The following KDM5B variants were observed in gnomAD, a reference collection of about 807,000 sequenced individuals.
The protein encoded by KDM5B is lysine-specific demethylase 5B.
KDM5B carries 144 observed loss-of-function variants against 193.4 expected under a neutral mutation model. The observed-to-expected ratio is 0.74, with a 90% CI of 0.65 to 0.86. KDM5B has a LOEUF of 0.86. Among genes scored for constraint, KDM5B ranks in the 40% least tolerant of loss-of-function variants. KDM5B has a pLI of 0.00. For missense variants in KDM5B, 1,833 were observed against 1,886.9 expected (o/e 0.97, Z 0.53); for synonymous variants, 668 against 682.6 (o/e 0.98, Z 0.33).
intron 13 of KDM5B, 81 bp downstream of exon 13, chr1:202,750,578 A>G (rs1655749399): frequency 2.0e-6 from 3 of 1,498,608 alleles, no homozygotes; most frequent in Admixed American, 1.8e-5. Flanking sequence ...CCCAGCCCAC[A>G]TGACACTTTA....
In KDM5B at chr1:202,729,173, C is replaced by G. The variant is rs1360489776; in HGVS notation, c.4498G>C (p.Val1500Leu). Residue 1500 changes from valine to leucine, a missense_variant and splice_region_variant, in exon 27 of 27, where the codon GTG (valine) becomes CTG (leucine). Val to Leu is a conservative substitution (Grantham distance 32). Coordinates refer to ENST00000367265, the MANE Select transcript of KDM5B (RefSeq NM_006618.5). Reference sequence around the variant, plus strand: ...CTGCCATCACACTGGACCCAGTCCACCTGGTTACAAAGAGCAGGAAGATGG... The same window carrying G: ...CTGCCATCACACTGGACCCAGTCCAGCTGGTTACAAAGAGCAGGAAGATGG... ...VSCLQPEGDE[V>L]DWVQCDGSCN... The G allele has an allele frequency of 2.5e-6, 4 of 1,613,906 alleles. No individual in the cohort carries two copies. The highest frequency in any genetic ancestry group is 2.2e-5 in the East Asian group (1 of 44,898).
intron 1 of KDM5B, among the ~76,000 whole-genome samples, chr1:202,802,886 CTCTTAATTTT>C (rs1658131958): frequency 6.6e-6 from 1 of 152,202 alleles, no homozygotes; most frequent in African/African-American, 2.4e-5. Flanking sequence ...TAATAATTTT[CTCTTAATTTT>C]TCTTATCAGT....
chr1:202,794,899 T>C (rs1294400224), intron 1 of KDM5B, among the ~76,000 whole-genome samples: 1 of 152,170 alleles, frequency 6.6e-6, no homozygotes, highest in Non-Finnish European at 1.5e-5. Flanking sequence ...ACAATAACAA[T>C]TAAACAATAC....
chr1:202,777,718 C>T (rs1269718662), intron 1 of KDM5B, among the ~76,000 whole-genome samples: 1 of 151,970 alleles, frequency 6.6e-6, no homozygotes, highest in African/African-American at 2.4e-5. Flanking sequence ...AGATCAGTCT[C>T]GAACTCTACA....
chr1:202,758,426 CAT>C lies in KDM5B; in HGVS notation c.1160_1161del (p.Asp387GlyfsTer5). The C allele has an allele frequency of 6.2e-7, 1 of 1,613,408 alleles. No homozygotes were observed. Among genetic ancestry groups the C allele is most frequent in the Non-Finnish European group, 8.5e-7 (1 of 1,179,490 alleles). ...YTLRTFGEMADAFKSDYFNMP... is the reference protein window; with the variant it reads ...YTLRTFGEMAXAFKSDYFNMP... ...ATGTTGAAGTAATCAGATTTGAACG[CAT>C]CTGCCATTTCCCCAAAAGTACGGAG... is the stretch of plus-strand genomic sequence containing the variant. On this transcript the variant is annotated frameshift_variant, in exon 9 of 27. Coordinates refer to ENST00000367265, the MANE Select transcript of KDM5B (RefSeq NM_006618.5). LOFTEE classifies it high-confidence loss of function.
chr1:202,729,804 G>A lies in KDM5B; in HGVS notation c.4400C>T (p.Ser1467Phe), dbSNP rs1654807450. The change falls in exon 26 of 27, where the codon TCC (serine) becomes TTC (phenylalanine). Residue 1467 changes from serine to phenylalanine, a missense_variant. By Grantham distance (155) the Ser-to-Phe change is radical. Transcript: ENST00000367265. ...YELVRSAETH[S>F]LPSDTSYSEQ... ...GGAATAGGATGTGTCTGAGGGCAGG[G>A]AATGAGTTTCAGCAGAACGAACTAA... 3.7e-6 allele frequency: 6 copies of A among 1,614,148 alleles called. No individual in the cohort carries two copies. In the East Asian group the frequency reaches 8.9e-5, roughly 24 times the overall value.
Position 202,785,196 on chromosome 1 carries a change from T to C in KDM5B, c.205-8102A>G, listed in dbSNP as rs370187071. Among the ~76,000 whole-genome samples, 12 of 152,332 alleles carry C rather than the reference T, an allele frequency of 7.9e-5. No homozygotes were observed. In the East Asian group the frequency reaches 1.5e-3, roughly 20 times the overall value. On this transcript the variant is annotated intron_variant, in intron 1 of 26. Coordinates refer to ENST00000367265, the MANE Select transcript of KDM5B (RefSeq NM_006618.5). The stretch of plus-strand genomic sequence containing the variant: ...GCAACCTCAACTTTCAAGGAGCATC[T>C]GACCTCTAAACCTTACTTACCTTTA...
chr1:202,757,254 T>C (rs1003291107), intron 9 of KDM5B, among the ~76,000 whole-genome samples: 1 of 152,196 alleles, frequency 6.6e-6, no homozygotes, highest in Non-Finnish European at 1.5e-5. Context: ...CACCTCCTGC[T>C]GTGTGGCCCT....
Position 202,773,123 on chromosome 1 carries a change from G to T in KDM5B, c.571C>A (p.Leu191Ile). Residue 191 changes from leucine to isoleucine, a missense_variant, in exon 4 of 27, where the codon CTA becomes ATA. Physicochemically the swap from Leu to Ile is conservative, Grantham distance 5. Coordinates refer to ENST00000367265, the MANE Select transcript of KDM5B (RefSeq NM_006618.5). ...PYNLFLSGDS[L>I]RCLQKPNLTT... ...AGGCTAGCCCCCAAACTTACCCTTA[G>T]GCTGTCTCCGGACAGGAATAAGTTG... The T allele has an allele frequency of 6.2e-7, 1 of 1,609,832 alleles. No homozygotes were observed. The highest frequency in any genetic ancestry group is 8.5e-7 in the Non-Finnish European group (1 of 1,176,378).
At chr1:202,791,453 C>A (rs1657638477) in intron 1 of KDM5B, among the ~76,000 whole-genome samples, 1 of 152,134 alleles carries the variant, frequency 6.6e-6, no homozygotes, top group Non-Finnish European at 1.5e-5. Flanking sequence ...AACACATTTC[C>A]TGGTACCTCC....
At chr1:202,800,055 TG>T (rs1235514114) in intron 1 of KDM5B, among the ~76,000 whole-genome samples, 1 of 152,234 alleles carries the variant, frequency 6.6e-6, no homozygotes, top group Non-Finnish European at 1.5e-5. Context: ...GTTTTGTTTT[TG>T]TTTTTTGAGA....
rs755132083 is a variant in KDM5B at position 202,733,938 on chromosome 1, C to T, written c.3424-52G>A. ...GATGTCCGAGATGGCTTGGCCTTCC[C>T]CTAAAACTCAGAGTCCTAGTGGTTA... On this transcript the variant is annotated intron_variant, in intron 22 of 26. Transcript: ENST00000367265. 15 of 1,552,810 alleles carry T rather than the reference C, an allele frequency of 9.7e-6. No individual in the cohort carries two copies. In the South Asian group the frequency reaches 1.5e-4, roughly 16 times the overall value.
chr1:202,735,740 T>C (rs1655067915), intron 21 of KDM5B, among the ~76,000 whole-genome samples, 153 bp from the exon 22 acceptor site: 1 of 152,204 alleles, frequency 6.6e-6, no homozygotes, highest in Non-Finnish European at 1.5e-5. Flanking sequence ...AGGCTCTCCT[T>C]TACAAAAGGA....
chr1:202,784,972 T>A (rs1032573592), intron 1 of KDM5B, among the ~76,000 whole-genome samples: 6 of 147,884 alleles, frequency 4.1e-5, no homozygotes, highest in Non-Finnish European at 7.4e-5. Context: ...AGGCAAAGAC[T>A]GCACTCCAGC....
chr1:202,750,909 AATT>A lies in KDM5B; in HGVS notation c.1702-134_1702-132del, dbSNP rs1045156747. 2.9e-4 allele frequency: 242 copies of A among 831,732 alleles called. No homozygotes were observed. In the African/African-American group the frequency reaches 3.5e-3, roughly 12 times the overall value. The allele number at this position is 831,732 out of a possible 1,614,324, so 51.5% of individuals were successfully genotyped here. A position where few individuals can be genotyped will look rare whatever the true frequency, so the allele number is the denominator to read the frequency against. On this transcript the variant is annotated intron_variant, in intron 12 of 26. Transcript: ENST00000367265. ...TTCTGAAATTGAGCCAGAAAAAACA[AATT>A]ATTATAGTAGAATATCACCTAGAGA...
chr1:202,730,131 A>T, intron 25 of KDM5B, 104 bp from the exon 26 acceptor site: 1 of 986,660 alleles, frequency 1.0e-6, no homozygotes, highest in African/African-American at 1.7e-5. Context: ...ATGATCCCCC[A>T]ATCTACACGG....
rs560080751 is a variant in KDM5B at position 202,758,578 on chromosome 1, G to A, written c.1078-68C>T. 38 of 1,325,416 alleles carry A rather than the reference G, an allele frequency of 2.9e-5. No individual in the cohort carries two copies. In the South Asian group the frequency reaches 5.4e-4, roughly 19 times the overall value. The allele number at this position is 1,325,416 out of a possible 1,614,324, so 82.1% of individuals were successfully genotyped here. The stretch of plus-strand genomic sequence containing the variant: ...TCAAGTATACTTGGTCAATCATCAA[G>A]CTGGCAGATAAAAAACAAGGCTTTA... On this transcript the variant is annotated intron_variant, in intron 8 of 26. Transcript: ENST00000367265.
chr1:202,742,895 C>G, intron 16 of KDM5B, 90 bp from the exon 17 acceptor site: 1 of 1,065,560 alleles, frequency 9.4e-7, no homozygotes. Context: ...TTTGTCAGTT[C>G]TTGTCTAGAA....
chr1:202,770,181 T>C (rs1247277164), intron 4 of KDM5B, among the ~76,000 whole-genome samples: 9 of 152,206 alleles, frequency 5.9e-5, no homozygotes, highest in Non-Finnish European at 1.5e-5. Flanking sequence ...ATATCTAATG[T>C]TATTAACATA....
Sources: allele counts gnomAD v4.1 joint callset (sites outside exome capture counted in the v4.1 genomes callset), GRCh38; gene constraint gnomAD v4.1.1; transcripts MANE v1.5; gene names NCBI Gene and HGNC (gene_info 2026-07-23, HGNC 2026-07-21).